DLGAP2: variants seen among roughly 807,000 people sequenced by gnomAD.
DLGAP2 encodes the protein disks large-associated protein 2.
DLGAP2 carries 26 observed loss-of-function variants against 100.3 expected under a neutral mutation model. That is an observed-to-expected ratio of 0.26 (90% CI 0.19 to 0.36). The LOEUF is 0.36. DLGAP2 is among the 10% of genes least tolerant of loss of function. The probability of loss-of-function intolerance (pLI) is 1.00; values close to 1 mark genes in which losing one functional copy is unlikely to be tolerated. For synonymous variants in DLGAP2, 886 were observed against 630.1 expected, an observed-to-expected ratio of 1.41 and a Z score of -6.08; for missense variants, 1,858 against 1,453.2, an observed-to-expected ratio of 1.28 and a Z score of -4.53.
chr8:1,148,347 T>C (rs1423855848), intron 2 of DLGAP2, among the ~76,000 whole-genome samples: 1 of 152,128 alleles, frequency 6.6e-6, no homozygotes, highest in African/African-American at 2.4e-5. Flanking sequence ...CTTCTTTTGT[T>C]TTCTCTATTA....
chr8:1,543,663 C>A (rs1363139588), intron 4 of DLGAP2, among the ~76,000 whole-genome samples: 1 of 152,180 alleles, frequency 6.6e-6, no homozygotes, highest in Non-Finnish European at 1.5e-5. Flanking sequence ...TCTCAGGACC[C>A]ATTGCATTTC....
chr8:1,496,928 G>A (rs927569214), intron 3 of DLGAP2, among the ~76,000 whole-genome samples: 14 of 152,102 alleles, frequency 9.2e-5, no homozygotes, highest in African/African-American at 3.1e-4. Flanking sequence ...GATGGTTTAC[G>A]GGGTCTCCAG....
intron 3 of DLGAP2, among the ~76,000 whole-genome samples, chr8:1,346,932 C>T (rs1391852684): frequency 6.6e-6 from 1 of 151,424 alleles, no homozygotes; most frequent in Admixed American, 6.6e-5. Flanking sequence ...TACACGTCTG[C>T]ATTGCTCTCA....
chr8:1,707,917 C>T lies in DLGAP2; in HGVS notation c.*6511C>T, dbSNP rs1448114782. The T allele has an allele frequency of 1.3e-5, 2 of 152,514 alleles. No homozygotes were observed. The highest frequency in any genetic ancestry group is 4.8e-5 in the African/African-American group (2 of 41,410). 9.4% of individuals were successfully genotyped at this position (152,514 alleles called of 1,614,324 possible). On this transcript the variant is annotated 3_prime_UTR_variant, in exon 15 of 15. Coordinates refer to ENST00000637795, the MANE Select transcript of DLGAP2 (RefSeq NM_001346810.2). ...TTCTCTTTCTCACGCTTTTATGGTT[C>T]TTTTGATAAATTCTATTTAGTAGCA...
intron 2 of DLGAP2, among the ~76,000 whole-genome samples, chr8:919,089 A>T (rs1453541764): frequency 6.6e-6 from 1 of 152,220 alleles, no homozygotes; most frequent in Non-Finnish European, 1.5e-5. Flanking sequence ...TATAAGCATC[A>T]GCTACTGTGT....
intron 5 of DLGAP2, among the ~76,000 whole-genome samples, chr8:1,555,179 T>G (rs879819593): frequency 6.6e-6 from 1 of 152,164 alleles, no homozygotes; most frequent in African/African-American, 2.4e-5. Context: ...CATCCCCTTT[T>G]AAGCCACTCT....
intron 2 of DLGAP2, among the ~76,000 whole-genome samples, chr8:985,803 G>C (rs1192971635): frequency 6.6e-6 from 1 of 152,150 alleles, no homozygotes; most frequent in Non-Finnish European, 1.5e-5. Context: ...GTGAGAGTGA[G>C]GGATGTGTGG....
intron 6 of DLGAP2, chr8:1,622,408 A>C (rs1177955611): frequency 6.6e-6 from 1 of 152,230 alleles, no homozygotes; most frequent in Non-Finnish European, 1.5e-5. Context: ...AAGCATGTTT[A>C]GATGGATCTA....
At chr8:740,109 T>C (rs1230755692) in intron 1 of DLGAP2, 1 of 152,210 alleles carries the variant, frequency 6.6e-6, no homozygotes, top group African/African-American at 2.4e-5. Context: ...CCTCTGTTGA[T>C]CTACCGCGTC....
At chr8:1,323,473 C>T (rs1800952125) in intron 3 of DLGAP2, among the ~76,000 whole-genome samples, 1 of 152,224 alleles carries the variant, frequency 6.6e-6, no homozygotes, top group Non-Finnish European at 1.5e-5. Context: ...AGCTCTTCCT[C>T]CCACCCCACA....
Position 990,332 on chromosome 8 carries a change from G to A in DLGAP2, c.73+82366G>A, listed in dbSNP as rs576563314. On this transcript the variant is annotated intron_variant, in intron 2 of 14. Coordinates refer to ENST00000637795, the MANE Select transcript of DLGAP2 (RefSeq NM_001346810.2). ...CCAGACCCCCTGCACCCCCATACTC[G>A]GAGTTCCTGTTCTTCTCTCCCTCCT... is the stretch of plus-strand genomic sequence containing the variant. 1.6e-3 allele frequency among the ~76,000 whole-genome samples: 221 copies of A among 142,526 alleles called. 4 individuals are homozygous for A. The highest frequency in any genetic ancestry group is 2.7e-3 in the Non-Finnish European group (173 of 65,100). The allele number at this position is 142,526 out of a possible 152,430, so 93.5% of individuals were successfully genotyped here. A position where few individuals can be genotyped will look rare whatever the true frequency, so the allele number is the denominator to read the frequency against.
chr8:909,057 G>A (rs149249524), intron 2 of DLGAP2, among the ~76,000 whole-genome samples: 189 of 152,204 alleles, frequency 1.2e-3, no homozygotes, highest in African/African-American at 4.5e-3. Context: ...TATTAATTAC[G>A]AGCATGGATG....
intron 4 of DLGAP2, among the ~76,000 whole-genome samples, chr8:1,531,886 G>A (rs1425732807): frequency 3.9e-5 from 6 of 152,162 alleles, no homozygotes; most frequent in African/African-American, 9.7e-5. Flanking sequence ...AGGTTGTCAC[G>A]CACACCCGTG....
At chr8:1,533,472 T>C (rs145718017) in intron 4 of DLGAP2, among the ~76,000 whole-genome samples, 8 of 151,884 alleles carry the variant, frequency 5.3e-5, no homozygotes, top group South Asian at 2.1e-4. Context: ...CGCCACTGCA[T>C]TCCAGCCTGG....
At chr8:1,480,169 C>T (rs898886412) in intron 3 of DLGAP2, among the ~76,000 whole-genome samples, 1 of 152,226 alleles carries the variant, frequency 6.6e-6, no homozygotes, top group African/African-American at 2.4e-5. Flanking sequence ...CTGTACCGAA[C>T]ATCCCCCCTC....
intron 2 of DLGAP2, among the ~76,000 whole-genome samples, chr8:1,064,378 A>G (rs1441958328): frequency 6.6e-6 from 1 of 152,240 alleles, no homozygotes; most frequent in South Asian, 2.1e-4. Context: ...AACCTGTTTC[A>G]TACAACCAAA....
intron 2 of DLGAP2, among the ~76,000 whole-genome samples, chr8:1,047,052 T>C (rs1357653363): frequency 2.6e-5 from 4 of 152,212 alleles, no homozygotes; most frequent in Non-Finnish European, 5.9e-5. Flanking sequence ...TTTTAATATA[T>C]TCACAGAGTT....
chr8:1,665,066 A>G (rs7836020), intron 8 of DLGAP2, among the ~76,000 whole-genome samples: 95,128 of 152,050 alleles, frequency 0.63, 30,540 homozygotes, highest in African/African-American at 0.78. Context: ...TCATTTCATC[A>G]GCCTGTAGCA....
chr8:1,413,314 A>G (rs187481555), intron 3 of DLGAP2, among the ~76,000 whole-genome samples: 2 of 152,368 alleles, frequency 1.3e-5, no homozygotes, highest in East Asian at 3.9e-4. Context: ...ATAAATGGAT[A>G]GATATTTTCA....
Sources: allele counts gnomAD v4.1 joint callset (sites outside exome capture counted in the v4.1 genomes callset), GRCh38; gene constraint gnomAD v4.1.1; transcripts MANE v1.5; gene names NCBI Gene and HGNC (gene_info 2026-07-23, HGNC 2026-07-21).